The following ROBO2 variants were observed in gnomAD, a reference collection of about 807,000 sequenced individuals.
The protein encoded by ROBO2 is roundabout homolog 2.
A neutral mutation model predicts 160.8 loss-of-function variants in ROBO2; 53 were observed. The observed-to-expected ratio is 0.33, with a 90% CI of 0.26 to 0.41. The LOEUF is 0.41. Ranked by LOEUF, ROBO2 falls within the 10% of genes least tolerant of loss-of-function variation. The pLI is 1.00. For synonymous variants in ROBO2, 664 were observed against 611.7 expected (o/e 1.09, Z -1.26); for missense variants, 1,577 against 1,722.4 (o/e 0.92, Z 1.49).
At chr3:77,500,215 A>G (rs2087385083) in intron 5 of ROBO2, among the ~76,000 whole-genome samples, 1 of 152,212 alleles carries the variant, frequency 6.6e-6, no homozygotes, top group East Asian at 1.9e-4. Flanking sequence ...GTGCCTTACA[A>G]TGCAATAAAT....
At chr3:77,014,799 A>C (rs755000969) in intron 2 of ROBO2, among the ~76,000 whole-genome samples, 8 of 152,170 alleles carry the variant, frequency 5.3e-5, no homozygotes, top group Non-Finnish European at 8.8e-5. Context: ...AGAGAGAAAG[A>C]AAGCCAGCTT....
intron 5 of ROBO2, among the ~76,000 whole-genome samples, chr3:77,493,876 C>T (rs2086448344): frequency 6.6e-6 from 1 of 152,162 alleles, no homozygotes; most frequent in Admixed American, 6.5e-5. Flanking sequence ...TAGTTGGCAT[C>T]ATTTTTCACA....
At chr3:77,633,494 A>G (rs949004121) in intron 23 of ROBO2, 7 of 152,188 alleles carry the variant, frequency 4.6e-5, no homozygotes, top group African/African-American at 1.7e-4. Context: ...ATATTCTAAT[A>G]TATGAATTAA....
chr3:76,993,161 G>A (rs2060789745), intron 2 of ROBO2, among the ~76,000 whole-genome samples: 1 of 152,038 alleles, frequency 6.6e-6, no homozygotes, highest in African/African-American at 2.4e-5. Flanking sequence ...AAAGTTTCAA[G>A]AAAAATAAAA....
At chr3:76,973,222 C>G (rs2059654970) in intron 2 of ROBO2, among the ~76,000 whole-genome samples, 1 of 152,120 alleles carries the variant, frequency 6.6e-6, no homozygotes, top group Non-Finnish European at 1.5e-5. Flanking sequence ...TCATTTGTGC[C>G]TAGTCTTTGC....
intron 2 of ROBO2, among the ~76,000 whole-genome samples, chr3:76,008,416 A>G (rs763923509): frequency 2.0e-5 from 3 of 152,164 alleles, no homozygotes; most frequent in Admixed American, 6.6e-5. Context: ...GGTAAACTCC[A>G]AAGGGTAAGT....
At chr3:76,397,081 C>T (rs557284018) in intron 2 of ROBO2, among the ~76,000 whole-genome samples, 2 of 151,898 alleles carry the variant, frequency 1.3e-5, no homozygotes, top group African/African-American at 2.4e-5. Context: ...CTATACTACA[C>T]GGCTACAGTA....
intron 2 of ROBO2, among the ~76,000 whole-genome samples, chr3:76,700,719 C>G (rs2093030060): frequency 6.6e-6 from 1 of 152,124 alleles, no homozygotes. Flanking sequence ...AGCCCCAAGT[C>G]TATGTGTATA....
At chr3:77,451,629 C>T (rs1487361398) in intron 2 of ROBO2, among the ~76,000 whole-genome samples, 1 of 152,010 alleles carries the variant, frequency 6.6e-6, no homozygotes, top group African/African-American at 2.4e-5. Context: ...GACTATTCCA[C>T]CATTACCAGC....
intron 2 of ROBO2, among the ~76,000 whole-genome samples, chr3:76,045,608 T>G (rs55838120): frequency 0.049 from 7,420 of 152,176 alleles, 496 homozygotes; most frequent in African/African-American, 0.13. Flanking sequence ...AAATGTACAT[T>G]GTTAATTTCT....
At chr3:76,836,300 T>C (rs1210524955) in intron 2 of ROBO2, among the ~76,000 whole-genome samples, 1 of 151,932 alleles carries the variant, frequency 6.6e-6, no homozygotes, top group Non-Finnish European at 1.5e-5. Flanking sequence ...GATATTCAAT[T>C]TATTCACAAT....
intron 2 of ROBO2, among the ~76,000 whole-genome samples, chr3:77,411,865 C>T (rs2076832178): frequency 6.6e-6 from 1 of 152,156 alleles, no homozygotes; most frequent in Non-Finnish European, 1.5e-5. Flanking sequence ...ATCGTTAAGA[C>T]ATTAAAAATA....
intron 2 of ROBO2, among the ~76,000 whole-genome samples, chr3:76,662,762 G>A (rs2091879749): frequency 1.3e-5 from 2 of 152,188 alleles, no homozygotes; most frequent in Admixed American, 6.5e-5. Context: ...AGTCTGAGCA[G>A]AGTTGAGGAG....
At chr3:77,068,297 T>C (rs946238099) in intron 1 of ROBO2, among the ~76,000 whole-genome samples, 4 of 152,260 alleles carry the variant, frequency 2.6e-5, no homozygotes, top group East Asian at 3.9e-4. Context: ...TTATGTCTTA[T>C]GTGTTTGAAA....
intron 2 of ROBO2, among the ~76,000 whole-genome samples, chr3:76,992,222 G>C (rs2060705372): frequency 6.6e-6 from 1 of 151,084 alleles, no homozygotes; most frequent in South Asian, 2.1e-4. Context: ...GAAAACATGA[G>C]ACTCATGGCA....
chr3:76,841,407 A>G (rs2068247687), intron 2 of ROBO2, among the ~76,000 whole-genome samples: 1 of 152,194 alleles, frequency 6.6e-6, no homozygotes, highest in African/African-American at 2.4e-5. Context: ...GGGAAGAAAG[A>G]TAGAAGATAC....
intron 2 of ROBO2, among the ~76,000 whole-genome samples, chr3:76,970,982 T>C (rs2059543767): frequency 6.6e-6 from 1 of 152,216 alleles, no homozygotes; most frequent in South Asian, 2.1e-4. Flanking sequence ...CTTCGATTAA[T>C]ATTACATATT....
At chr3:75,965,172 T>G (rs1342855010) in intron 2 of ROBO2, 1 of 151,828 alleles carries the variant, frequency 6.6e-6, no homozygotes, top group East Asian at 2.0e-4. Flanking sequence ...TAGTTAGAAA[T>G]ATATTTTTCT....
rs192036388 is a variant in ROBO2, at chr3:77,633,764, T to C, written c.3761-1106T>C. On this transcript the variant is annotated intron_variant, in intron 23 of 25. Transcript: ENST00000461745. ...AAATAGCATCCAAACTAAAATACGT[T>C]GTAATAGAACTGTTATTTGAATTGT... is the stretch of plus-strand genomic sequence containing the variant. 3 of 152,322 alleles carry C rather than the reference T, an allele frequency of 2.0e-5. No individual in the cohort carries two copies. In the East Asian group the frequency reaches 5.8e-4, roughly 29 times the overall value. The allele number at this position is 152,322 out of a possible 1,614,324, so 9.4% of individuals were successfully genotyped here. A position where few individuals can be genotyped will look rare whatever the true frequency, so the allele number is the denominator to read the frequency against.
Sources: allele counts gnomAD v4.1 joint callset (sites outside exome capture counted in the v4.1 genomes callset), GRCh38; gene constraint gnomAD v4.1.1; transcripts MANE v1.5; gene names NCBI Gene and HGNC (gene_info 2026-07-23, HGNC 2026-07-21).